The following PPARG variants were observed in gnomAD, a reference collection of about 807,000 sequenced individuals.
PPARG encodes peroxisome proliferator activated receptor gamma.
Under a neutral mutation model 39.2 loss-of-function variants are expected in PPARG, and 17 were observed. That is an observed-to-expected ratio of 0.43 (90% CI 0.30 to 0.65). The LOEUF (loss-of-function observed/expected upper bound fraction) is 0.65. Among genes scored for constraint, PPARG ranks in the 30% least tolerant of loss-of-function variants. PPARG has a pLI of 0.13. For missense variants in PPARG, 406 were observed against 585.9 expected (o/e 0.69, Z 3.17); for synonymous variants, 223 against 215.7 (o/e 1.03, Z -0.30).
At chr3:12,406,625 C>T (rs1212933070) in intron 6 of PPARG, 1 of 158,432 alleles carries the variant, frequency 6.3e-6, no homozygotes, top group Non-Finnish European at 1.4e-5. Flanking sequence ...CCGCAACCTC[C>T]GCCTCCCAGG....
intron 2 of PPARG, among the ~76,000 whole-genome samples, chr3:12,370,701 G>A (rs1438322467): frequency 6.6e-6 from 1 of 152,198 alleles, no homozygotes; most frequent in East Asian, 1.9e-4. Flanking sequence ...AAGTCTCACA[G>A]TAAACCTATT....
rs1343446128 is a variant in PPARG, at chr3:12,379,867, A to G, written c.156A>G (p.Pro52=). 7 of 1,613,852 alleles carry G rather than the reference A, an allele frequency of 4.3e-6. 1 individual carries two copies. In the South Asian group the frequency reaches 7.7e-5, roughly 18 times the overall value. ...SISTPHYEDI[P]FTRTDPVVAD... ...CTACTCCACATTACGAAGACATTCC[A>G]TTCACAAGAACAGATCCAGTGGTTG... The change falls in exon 3 of 8, where the codon CCA becomes CCG. Residue 52 remains proline, a synonymous_variant. Transcript: ENST00000651735.
intron 4 of PPARG, among the ~76,000 whole-genome samples, chr3:12,384,254 A>G (rs1175022546): frequency 1.3e-5 from 2 of 152,168 alleles, no homozygotes; most frequent in African/African-American, 2.4e-5. Flanking sequence ...TAATTTTAAT[A>G]TACTCAATGA....
At chr3:12,382,142 G>A (rs1379613132) in intron 4 of PPARG, among the ~76,000 whole-genome samples, 1 of 152,086 alleles carries the variant, frequency 6.6e-6, no homozygotes. Flanking sequence ...TGACTCCTTA[G>A]GTGGTGTTGG....
chr3:12,405,089 T>C (rs2050612868), intron 5 of PPARG, among the ~76,000 whole-genome samples: 1 of 152,256 alleles, frequency 6.6e-6, no homozygotes, highest in Non-Finnish European at 1.5e-5. Context: ...AATAATATTT[T>C]GCTGAACATA....
At chr3:12,427,864 G>T (rs1450732619) in intron 7 of PPARG, among the ~76,000 whole-genome samples, 2 of 152,318 alleles carry the variant, frequency 1.3e-5, no homozygotes, top group East Asian at 3.9e-4. Context: ...GTCTTTCATT[G>T]TCTGTGGATC....
intron 4 of PPARG, 27 bp downstream of exon 4, chr3:12,381,518 A>G (rs377418765): frequency 2.1e-4 from 338 of 1,606,594 alleles, no homozygotes; most frequent in Non-Finnish European, 2.5e-4. Context: ...TCTTCAAAGA[A>G]ATTGTTGAAA....
chr3:12,423,494 C>G (rs925804706), intron 7 of PPARG, among the ~76,000 whole-genome samples: 7 of 152,238 alleles, frequency 4.6e-5, no homozygotes, highest in Admixed American at 6.5e-5. Flanking sequence ...CGTCTTCTCT[C>G]TGGAACAAAA....
At chr3:12,396,443 A>G (rs1356199074) in intron 5 of PPARG, among the ~76,000 whole-genome samples, 3 of 152,102 alleles carry the variant, frequency 2.0e-5, no homozygotes, top group African/African-American at 7.2e-5. Flanking sequence ...TTTTTAATAA[A>G]ATTATTTAGT....
chr3:12,350,502 G>T (rs1210977257), intron 2 of PPARG, among the ~76,000 whole-genome samples: 2 of 152,174 alleles, frequency 1.3e-5, no homozygotes, highest in Non-Finnish European at 2.9e-5. Flanking sequence ...ATACTGCCCT[G>T]TGTGGGGGCG....
chr3:12,367,818 T>G (rs2049066198), intron 2 of PPARG, among the ~76,000 whole-genome samples: 1 of 151,920 alleles, frequency 6.6e-6, no homozygotes, highest in Non-Finnish European at 1.5e-5. Flanking sequence ...GAGGCTTCAG[T>G]GAACCATAAT....
intron 2 of PPARG, among the ~76,000 whole-genome samples, chr3:12,362,019 T>A (rs2048861828): frequency 6.6e-6 from 1 of 152,116 alleles, no homozygotes; most frequent in Non-Finnish European, 1.5e-5. Flanking sequence ...GAGTTTTCAT[T>A]ATGGAGATCT....
intron 1 of PPARG, among the ~76,000 whole-genome samples, chr3:12,292,842 C>T (rs1464557216): frequency 6.6e-6 from 1 of 152,096 alleles, no homozygotes; most frequent in Non-Finnish European, 1.5e-5. Flanking sequence ...TTGGAGAGGA[C>T]TTCTCCCACC....
intron 2 of PPARG, among the ~76,000 whole-genome samples, chr3:12,315,429 G>A (rs371933798): frequency 6.6e-6 from 1 of 152,144 alleles, no homozygotes; most frequent in Admixed American, 6.5e-5. Flanking sequence ...GTGGTAACTG[G>A]GGGGAAGCTG....
At chr3:12,392,535 C>A in intron 4 of PPARG, 79 bp from the exon 5 acceptor site, 2 of 1,523,166 alleles carry the variant, frequency 1.3e-6, no homozygotes, top group Non-Finnish European at 1.8e-6. Context: ...ATTCCCAGGC[C>A]AGTATACCTT....
chr3:12,303,236 A>T (rs966456508), intron 1 of PPARG, among the ~76,000 whole-genome samples: 1 of 151,402 alleles, frequency 6.6e-6, no homozygotes, highest in Non-Finnish European at 1.5e-5. Context: ...TCACTCTGTC[A>T]CCCAGGCTAG....
Position 12,416,907 on chromosome 3 carries a change from C to T in PPARG, c.933C>T (p.Asp311=). ...GTTTTGTAAATCTTGACTTGAACGA[C>T]CAAGTAACTCTCCTCAAATATGGAG... ...IPGFVNLDLN[D]QVTLLKYGVH... The change falls in exon 7 of 8, where the codon GAC becomes GAT. Residue 311 remains aspartate (D), a synonymous_variant. Transcript: ENST00000651735. 1 of 1,614,068 alleles carries T rather than the reference C, an allele frequency of 6.2e-7. No individual in the cohort carries two copies. Among genetic ancestry groups the T allele is most frequent in the Non-Finnish European group, 8.5e-7 (1 of 1,179,998 alleles).
chr3:12,307,604 T>A (rs1344103651), intron 1 of PPARG, among the ~76,000 whole-genome samples: 2 of 152,174 alleles, frequency 1.3e-5, no homozygotes, highest in African/African-American at 4.8e-5. Flanking sequence ...GATCGTGAAA[T>A]TCCTGGGCTG....
chr3:12,347,823 A>G (rs1343490763), intron 2 of PPARG, among the ~76,000 whole-genome samples: 2 of 152,200 alleles, frequency 1.3e-5, no homozygotes, highest in Non-Finnish European at 2.9e-5. Flanking sequence ...AACAAAAACA[A>G]TATGTGTGTT....
Sources: gnomAD v4.1 joint callset for allele counts (sites outside exome capture counted in the v4.1 genomes callset) on GRCh38, gnomAD v4.1.1 for gene constraint, MANE v1.5 for transcripts, NCBI Gene and HGNC (gene_info 2026-07-23, HGNC 2026-07-21) for gene names.